Variants in TRPM6 observed in about 807,000 individuals in gnomAD.
The protein encoded by TRPM6 is channel kinase 2.
A neutral mutation model predicts 247.6 loss-of-function variants in TRPM6; 111 were observed. That is an observed-to-expected ratio of 0.45 (90% CI 0.38 to 0.52). TRPM6 has a LOEUF of 0.52. Ranked by LOEUF, TRPM6 falls within the 20% of genes least tolerant of loss-of-function variation. The pLI is 0.00. For synonymous variants in TRPM6, 892 were observed against 853.8 expected, an observed-to-expected ratio of 1.04 and a Z score of -0.78; for missense variants, 2,126 against 2,421.5, an observed-to-expected ratio of 0.88 and a Z score of 2.56.
At chr9:74,739,500 A>G (rs751522835) in intron 34 of TRPM6, 51 bp from the exon 35 acceptor site, 4 of 1,575,518 alleles carry the variant, frequency 2.5e-6, no homozygotes, top group Non-Finnish European at 3.5e-6. Flanking sequence ...TTGTACAGCT[A>G]TGATCATGAA....
intron 27 of TRPM6, among the ~76,000 whole-genome samples, chr9:74,758,031 ATAAAT>A (rs1221755468): frequency 6.6e-6 from 1 of 152,248 alleles, no homozygotes; most frequent in Admixed American, 6.5e-5. Flanking sequence ...CATTATGCCA[ATAAAT>A]TAAACAACTT....
intron 23 of TRPM6, among the ~76,000 whole-genome samples, chr9:74,779,277 C>A (rs1030136249): frequency 4.6e-5 from 7 of 152,166 alleles, no homozygotes; most frequent in Admixed American, 3.9e-4. Flanking sequence ...GAATCCCTAT[C>A]TCTCCCCATG....
intron 6 of TRPM6, among the ~76,000 whole-genome samples, chr9:74,830,749 G>GTTTTTTTTTTTTTTTT (rs71368685): frequency 1.1e-5 from 1 of 87,262 alleles, no homozygotes; most frequent in Non-Finnish European, 2.0e-5. Flanking sequence ...GCTAATTTTT[G>GTTTTTTTTTTTTTTTT]TTTTTTTTTT....
At chr9:74,780,173 A>T (rs1469337395) in intron 23 of TRPM6, among the ~76,000 whole-genome samples, 1 of 149,272 alleles carries the variant, frequency 6.7e-6, no homozygotes, top group East Asian at 2.0e-4. Flanking sequence ...CTCAAAAAAA[A>T]AAAAGTGACA....
chr9:74,845,208 A>C (rs1830070127), intron 3 of TRPM6, among the ~76,000 whole-genome samples: 1 of 152,214 alleles, frequency 6.6e-6, no homozygotes. Flanking sequence ...CCACTGGAAA[A>C]ATGGCACTGA....
chr9:74,798,241 C>T (rs979566233), intron 17 of TRPM6, among the ~76,000 whole-genome samples: 1 of 150,204 alleles, frequency 6.7e-6, no homozygotes. Context: ...TATGGTAAAC[C>T]GAAGTCATAT....
At chr9:74,820,247 A>T in intron 9 of TRPM6, 57 bp downstream of exon 9, 1 of 1,569,550 alleles carries the variant, frequency 6.4e-7, no homozygotes, top group Non-Finnish European at 8.8e-7. Flanking sequence ...TAAATATTAC[A>T]GTGTTTATAA....
rs904856871 is a variant in TRPM6, at chr9:74,824,910, CCAA to C, written c.841+2865_841+2867del. ...TTTTTTTTTTTTAAAGTATTCTCTGCCAACAACAAGGGTTTGCCAGAGTCACCA... is the reference window on the plus strand; with the variant it reads ...TTTTTTTTTTTTAAAGTATTCTCTGCCAACAAGGGTTTGCCAGAGTCACCA... On this transcript the variant is annotated intron_variant, in intron 7 of 38. Coordinates refer to ENST00000360774, the MANE Select transcript of TRPM6 (RefSeq NM_017662.5). 6.8e-4 allele frequency among the ~76,000 whole-genome samples: 103 copies of C among 151,866 alleles called. 1 individual carries two copies. Among genetic ancestry groups the C allele is most frequent in the Non-Finnish European group, 4.1e-4 (28 of 67,992 alleles).
At chr9:74,828,659 T>C (rs1336405667) in intron 6 of TRPM6, among the ~76,000 whole-genome samples, 1 of 150,674 alleles carries the variant, frequency 6.6e-6, no homozygotes, top group Non-Finnish European at 1.5e-5. Context: ...GATGGAGTCT[T>C]GCTCTATTGC....
chr9:74,732,569 C>T (rs1825557106), intron 37 of TRPM6, 116 bp downstream of exon 37: 3 of 764,434 alleles, frequency 3.9e-6, no homozygotes, highest in Non-Finnish European at 6.5e-6. Context: ...ACATAAGCTA[C>T]CTAAAAACCT....
chr9:74,785,578 A>T (rs189798369), intron 21 of TRPM6, among the ~76,000 whole-genome samples: 1 of 152,020 alleles, frequency 6.6e-6, no homozygotes, highest in Non-Finnish European at 1.5e-5. Context: ...GCTGGAGTGC[A>T]GTGGCGCAAT....
chr9:74,825,458 C>T (rs866124872), intron 7 of TRPM6, among the ~76,000 whole-genome samples: 33 of 148,690 alleles, frequency 2.2e-4, no homozygotes, highest in Middle Eastern at 3.5e-3. Flanking sequence ...CTCTTTCTTC[C>T]GTGTGTGTGT....
intron 17 of TRPM6, 151 bp downstream of exon 17, chr9:74,800,103 G>A (rs1206805479): frequency 1.4e-6 from 1 of 719,606 alleles, no homozygotes; most frequent in Non-Finnish European, 2.4e-6. Flanking sequence ...TATACGAGTA[G>A]CTGCAGTCCC....
At chr9:74,856,543 C>T (rs1830532208) in intron 2 of TRPM6, among the ~76,000 whole-genome samples, 1 of 151,504 alleles carries the variant, frequency 6.6e-6, no homozygotes, top group African/African-American at 2.4e-5. Context: ...AGGTAATGTT[C>T]CTAAAATAAG....
chr9:74,762,870 G>C lies in TRPM6; in HGVS notation c.3801C>G (p.Ile1267Met), dbSNP rs780240687. The change falls in exon 26 of 39, where the codon ATC becomes ATG. Residue 1267 changes from isoleucine to methionine, a missense_variant. Ile to Met is a conservative substitution (Grantham distance 10). This residue lies in a region of TRPM6 where 717 missense variants were observed against 715.9 expected (regional missense o/e 1.00). Transcript: ENST00000360774. ...ICAEVLGSME[I>M]AGEKKYQYYS... ...AATACTGGTATTTCTTCTCTCCAGCGATCTCCATGCTGCCTAGAACCTCTG... is the reference window on the plus strand; with the variant it reads ...AATACTGGTATTTCTTCTCTCCAGCCATCTCCATGCTGCCTAGAACCTCTG... The C allele has an allele frequency of 6.2e-7, 1 of 1,613,818 alleles. No homozygotes were observed. Among genetic ancestry groups the C allele is most frequent in the Non-Finnish European group, 8.5e-7 (1 of 1,179,872 alleles).
At chr9:74,761,234 T>C (rs563932203) in intron 27 of TRPM6, among the ~76,000 whole-genome samples, 1 of 152,310 alleles carries the variant, frequency 6.6e-6, no homozygotes, top group East Asian at 1.9e-4. Flanking sequence ...ACACTTACCA[T>C]ATGACTCTGA....
chr9:74,841,586 C>G (rs1021733746), intron 4 of TRPM6, among the ~76,000 whole-genome samples: 3 of 152,054 alleles, frequency 2.0e-5, no homozygotes, highest in African/African-American at 7.2e-5. Flanking sequence ...CTCACTGCAA[C>G]CTCTGCCTCC....
intron 38 of TRPM6, among the ~76,000 whole-genome samples, 176 bp downstream of exon 38, chr9:74,728,063 C>T (rs1028934819): frequency 3.9e-5 from 6 of 152,130 alleles, no homozygotes; most frequent in African/African-American, 1.4e-4. Context: ...AAAGTAAATC[C>T]CTGTCCTTTT....
rs11144078 is a variant in TRPM6, at chr9:74,752,842, G to A, written c.4907-474C>T. Among the ~76,000 whole-genome samples the A allele has an allele frequency of 7.4e-3, 1,123 of 152,250 alleles. 17 individuals carry two copies. The highest frequency in any genetic ancestry group is 0.023 in the African/African-American group (948 of 41,550). The stretch of plus-strand genomic sequence containing the variant: ...AAAAGAATAATAGAGGCCAGGCGCC[G>A]TGGCTCACACCTGTAATCCCAACAC... On this transcript the variant is annotated intron_variant, in intron 28 of 38. Transcript: ENST00000360774.
Sources: gnomAD v4.1 joint callset for allele counts (sites outside exome capture counted in the v4.1 genomes callset) on GRCh38, gnomAD v4.1.1 for gene constraint, gnomAD v4.1.1 regional missense constraint, MANE v1.5 for transcripts, NCBI Gene and HGNC (gene_info 2026-07-23, HGNC 2026-07-21) for gene names.